The following ERCC8 variants were observed in gnomAD, a reference collection of about 807,000 sequenced individuals.
The protein encoded by ERCC8 is ERCC excision repair 8, CSA ubiquitin ligase complex subunit, also known as DNA excision repair protein ERCC-8.
Under a neutral mutation model 54.9 loss-of-function variants are expected in ERCC8, and 52 were observed. That is an observed-to-expected ratio of 0.95 (90% CI 0.76 to 1.19). The LOEUF (loss-of-function observed/expected upper bound fraction) is 1.19, where lower values mean the gene tolerates loss of function less well. Ranked by LOEUF, ERCC8 falls within the 50% of genes most tolerant of loss-of-function variation. The pLI is 0.00. For synonymous variants in ERCC8, 146 were observed against 157.2 expected, an observed-to-expected ratio of 0.93 and a Z score of 0.53; for missense variants, 514 against 466.1, an observed-to-expected ratio of 1.10 and a Z score of -0.95.
At chr5:60,893,155 A>C in intron 9 of ERCC8, 1 of 889,700 alleles carries the variant, frequency 1.1e-6, no homozygotes, top group Non-Finnish European at 1.9e-6. Flanking sequence ...CAGCAGCAGC[A>C]GCCTAATGGG....
At chr5:60,912,703 A>T (rs1378362726) in intron 4 of ERCC8, among the ~76,000 whole-genome samples, 2 of 152,124 alleles carry the variant, frequency 1.3e-5, no homozygotes, top group East Asian at 3.9e-4. Context: ...GTTTTTGCCC[A>T]TTCAGTATGA....
At chr5:60,936,965 G>T (rs1049082712) in intron 1 of ERCC8, among the ~76,000 whole-genome samples, 4 of 152,210 alleles carry the variant, frequency 2.6e-5, no homozygotes, top group Non-Finnish European at 5.9e-5. Flanking sequence ...GTCCCACGAG[G>T]TGCTCCCTTG....
At position 60,879,676 on chromosome 5, in the gene ERCC8, T is replaced by C. The variant is rs1748140085; in HGVS notation, c.1123-4993A>G. Reference sequence around the variant, plus strand: ...GTTTAAAGTCTGTTTTATCAGAGACTAGGATTACAACCTCTGCCTTTTTTT... The same window carrying C: ...GTTTAAAGTCTGTTTTATCAGAGACCAGGATTACAACCTCTGCCTTTTTTT... On this transcript the variant is annotated intron_variant, in intron 11 of 11. Transcript: ENST00000676185. Among the ~76,000 whole-genome samples the C allele has an allele frequency of 2.0e-5, 3 of 152,092 alleles. No individual in the cohort carries two copies. The South Asian group carries it at 6.2e-4, about 31-fold the overall frequency.
chr5:60,888,772 G>C (rs1178220368), intron 10 of ERCC8, among the ~76,000 whole-genome samples: 1 of 152,100 alleles, frequency 6.6e-6, no homozygotes, highest in Non-Finnish European at 1.5e-5. Flanking sequence ...CCAACATTAG[G>C]CCTTACTACT....
intron 4 of ERCC8, among the ~76,000 whole-genome samples, chr5:60,911,634 CT>C (rs1352533192): frequency 2.0e-5 from 3 of 152,226 alleles, no homozygotes; most frequent in African/African-American, 7.2e-5. Flanking sequence ...GTTGCCATTG[CT>C]TTTGGTGTTT....
chr5:60,926,671 C>T (rs1749759037), intron 2 of ERCC8, among the ~76,000 whole-genome samples: 1 of 152,176 alleles, frequency 6.6e-6, no homozygotes. Context: ...TTAACAACTA[C>T]AACTTTTATT....
At position 60,872,521 on chromosome 5, in the gene ERCC8, G is replaced by A. The variant is rs530332952; in HGVS notation, c.*2094C>T. Among the ~76,000 whole-genome samples the A allele has an allele frequency of 5.9e-5, 9 of 152,212 alleles. No individual in the cohort carries two copies. The East Asian group carries it at 1.5e-3, about 26-fold the overall frequency. On this transcript the variant is annotated 3_prime_UTR_variant, in exon 12 of 12. Transcript: ENST00000676185. The stretch of plus-strand genomic sequence containing the variant: ...TCAAAAGAAGACATGCAAATGGCCA[G>A]CAGATATATGAAAAAATTATCAACA...
intron 1 of ERCC8, among the ~76,000 whole-genome samples, chr5:60,935,782 T>C (rs1452262756): frequency 7.2e-5 from 11 of 152,214 alleles, no homozygotes; most frequent in Admixed American, 2.0e-4. Context: ...TTTTTCTGCA[T>C]CTATTGAGAT....
Position 60,869,068 on chromosome 5 carries a change from G to A in ERCC8, c.*5547C>T, listed in dbSNP as rs973932259. ...AGTTCGGGCTCAATAATTAGCACCT[G>A]AACATGGAAAACATTAAATTAAAAA... On this transcript the variant is annotated 3_prime_UTR_variant, in exon 12 of 12. Coordinates refer to ENST00000676185, the MANE Select transcript of ERCC8 (RefSeq NM_000082.4). 1.3e-5 allele frequency among the ~76,000 whole-genome samples: 2 copies of A among 152,054 alleles called. No individual in the cohort carries two copies. The highest frequency in any genetic ancestry group is 2.4e-5 in the African/African-American group (1 of 41,420).
intron 5 of ERCC8, 47 bp downstream of exon 5, chr5:60,904,745 G>T: frequency 8.5e-7 from 1 of 1,180,740 alleles, no homozygotes; most frequent in South Asian, 1.3e-5. Context: ...TATAAAAAGG[G>T]AGAAAGTTTT....
chr5:60,937,612 T>C (rs913064461), intron 1 of ERCC8, among the ~76,000 whole-genome samples: 7 of 152,158 alleles, frequency 4.6e-5, no homozygotes, highest in South Asian at 2.1e-4. Context: ...CCAGCTCCCA[T>C]GCAACCTACA....
Position 60,880,946 on chromosome 5 carries a change from T to C in ERCC8, c.1123-6263A>G, listed in dbSNP as rs112107300. Among the ~76,000 whole-genome samples, 364 of 152,288 alleles carry C rather than the reference T, an allele frequency of 2.4e-3. 8 individuals carry two copies. Among genetic ancestry groups the C allele is most frequent in the African/African-American group, 8.5e-3 (354 of 41,548 alleles). The stretch of plus-strand genomic sequence containing the variant: ...TTGGAGGAGGAGAGGTGCTCTGACT[T>C]TTAGAGTTTCCAGTTTTTCTGCTCT... On this transcript the variant is annotated intron_variant, in intron 11 of 11. Coordinates refer to ENST00000676185, the MANE Select transcript of ERCC8 (RefSeq NM_000082.4).
At position 60,918,256 on chromosome 5, in the gene ERCC8, T is replaced by A; in HGVS notation, c.399+9A>T. On this transcript the variant is annotated intron_variant, in intron 4 of 11. Transcript: ENST00000676185. ...ACAAAGCAATCTGCAAATGTTTTAA[T>A]GTACTTACTTGTAATGTATTTGTAT... The A allele has an allele frequency of 6.3e-7, 1 of 1,585,490 alleles. No individual in the cohort carries two copies. The highest frequency in any genetic ancestry group is 8.7e-7 in the Non-Finnish European group (1 of 1,155,076).
intron 9 of ERCC8, chr5:60,892,404 A>C (rs1748589699): frequency 1.8e-6 from 1 of 545,354 alleles, no homozygotes; most frequent in African/African-American, 1.9e-5. Context: ...TCGATGTCAA[A>C]GAACTTGGTC....
At chr5:60,935,661 G>T (rs1750042621) in intron 1 of ERCC8, among the ~76,000 whole-genome samples, 1 of 152,146 alleles carries the variant, frequency 6.6e-6, no homozygotes, top group African/African-American at 2.4e-5. Context: ...TCAGTATAAT[G>T]TTGGCTGTGG....
In ERCC8 at chr5:60,905,026, T is replaced by C. The variant is rs1749030069; in HGVS notation, c.400-153A>G. Among the ~76,000 whole-genome samples the C allele has an allele frequency of 3.9e-5, 6 of 152,114 alleles. No individual in the cohort carries two copies. In the South Asian group the frequency reaches 1.0e-3, roughly 26 times the overall value. ...TAGGAATGTAATACCCCAAAAAACC[T>C]TGATAATTTGAAATCCTGTCATTTA... On this transcript the variant is annotated intron_variant, in intron 4 of 11. Transcript: ENST00000676185.
chr5:60,876,023 C>T (rs971523820), intron 11 of ERCC8, among the ~76,000 whole-genome samples: 1 of 151,412 alleles, frequency 6.6e-6, no homozygotes, highest in Non-Finnish European at 1.5e-5. Context: ...TGCTATCCCT[C>T]CCCCCTACCC....
chr5:60,892,573 C>T, intron 9 of ERCC8: 2 of 663,172 alleles, frequency 3.0e-6, no homozygotes, highest in Admixed American at 3.7e-5. Context: ...TGGTGGGCCA[C>T]TGCTGTCAGA....
At chr5:60,878,163 T>C (rs1431405885) in intron 11 of ERCC8, among the ~76,000 whole-genome samples, 3 of 152,214 alleles carry the variant, frequency 2.0e-5, no homozygotes, top group East Asian at 1.9e-4. Flanking sequence ...GTTTATATGC[T>C]CGATTACGTT....
Sources: allele counts gnomAD v4.1 joint callset (sites outside exome capture counted in the v4.1 genomes callset), GRCh38; gene constraint gnomAD v4.1.1; transcripts MANE v1.5; gene names NCBI Gene and HGNC (gene_info 2026-07-23, HGNC 2026-07-21).